Variants in ABHD12B observed in about 807,000 individuals in gnomAD.
ABHD12B encodes protein ABHD12B.
A neutral mutation model predicts 50.4 loss-of-function variants in ABHD12B; 42 were observed. The ratio of observed to expected loss-of-function variants is 0.83; its 90% CI spans 0.65 to 1.08. The LOEUF (loss-of-function observed/expected upper bound fraction) is 1.08. Among genes scored for constraint, ABHD12B ranks in the 50% least tolerant of loss-of-function variants. The pLI is 0.00. For missense variants in ABHD12B, 479 were observed against 447.7 expected (o/e 1.07, Z -0.63); for synonymous variants, 167 against 160.3 (o/e 1.04, Z -0.32).
chr14:50,888,998 C>A, intron 9 of ABHD12B, 95 bp downstream of exon 9: 1 of 984,938 alleles, frequency 1.0e-6, no homozygotes, highest in Non-Finnish European at 1.5e-6. Flanking sequence ...AACAGTCTTC[C>A]TTTTCTTAAG....
intron 9 of ABHD12B, chr14:50,895,614 T>C (rs967596437): frequency 2.0e-5 from 3 of 152,122 alleles, no homozygotes; most frequent in African/African-American, 7.2e-5. Flanking sequence ...GACTGACTCC[T>C]TCCCAGATCT....
At chr14:50,887,465 T>C (rs987210088) in intron 8 of ABHD12B, among the ~76,000 whole-genome samples, 1 of 152,144 alleles carries the variant, frequency 6.6e-6, no homozygotes, top group Non-Finnish European at 1.5e-5. Flanking sequence ...ACTCCTTATA[T>C]AGAGATGCTA....
Position 50,878,115 on chromosome 14 carries a change from T to G in ABHD12B, c.232+36T>G, listed in dbSNP as rs888297253. ...ACCTTCCATAAATTTTCCTATATAA[T>G]TTTTCCCAAATAAAGACCTCAGTAC... is the stretch of plus-strand genomic sequence containing the variant. On this transcript the variant is annotated intron_variant, in intron 2 of 12. Transcript: ENST00000337334. The G allele has an allele frequency of 9.5e-6, 14 of 1,480,786 alleles. No individual in the cohort carries two copies. In the African/African-American group the frequency reaches 2.0e-4, roughly 21 times the overall value. The allele number at this position is 1,480,786 out of a possible 1,614,324, so 91.7% of individuals were successfully genotyped here.
At chr14:50,895,878 C>T (rs879213149) in intron 9 of ABHD12B, among the ~76,000 whole-genome samples, 5 of 152,196 alleles carry the variant, frequency 3.3e-5, no homozygotes, top group Admixed American at 6.5e-5. Context: ...CCAACTTAGA[C>T]AATACTCTTT....
chr14:50,879,795 C>T lies in ABHD12B; in HGVS notation c.336-657C>T, dbSNP rs77925323. On this transcript the variant is annotated intron_variant, in intron 3 of 12. Transcript: ENST00000337334. The stretch of plus-strand genomic sequence containing the variant: ...TCCAGCAGGCAGCAGTGCCTATATT[C>T]GGAGTACAGAGGCCCTGGGGATGAT... Among the ~76,000 whole-genome samples, 235 of 152,328 alleles carry T rather than the reference C, an allele frequency of 1.5e-3. 1 individual carries two copies. Among genetic ancestry groups the T allele is most frequent in the Middle Eastern group, 3.4e-3 (1 of 294 alleles).
intron 9 of ABHD12B, among the ~76,000 whole-genome samples, chr14:50,900,437 T>C (rs1481612529): frequency 6.6e-6 from 1 of 152,180 alleles, no homozygotes; most frequent in Non-Finnish European, 1.5e-5. Flanking sequence ...ATAAGAAAGT[T>C]GTGGTCCATT....
At chr14:50,899,575 T>C (rs2050238457) in intron 9 of ABHD12B, among the ~76,000 whole-genome samples, 1 of 152,204 alleles carries the variant, frequency 6.6e-6, no homozygotes, top group Non-Finnish European at 1.5e-5. Context: ...TCCCATTTAC[T>C]ACCCCCTCTA....
chr14:50,880,351 A>C (rs986883363), intron 3 of ABHD12B, 101 bp from the exon 4 acceptor site: 1 of 1,225,936 alleles, frequency 8.2e-7, no homozygotes, highest in Non-Finnish European at 1.1e-6. Flanking sequence ...TCGGATAAAA[A>C]ATTAAAATAT....
At chr14:50,883,557 A>G (rs2049989201) in intron 5 of ABHD12B, among the ~76,000 whole-genome samples, 1 of 152,244 alleles carries the variant, frequency 6.6e-6, no homozygotes, top group Non-Finnish European at 1.5e-5. Flanking sequence ...AACGTGGTAA[A>G]GCTAATGTCC....
At chr14:50,883,754 A>G (rs1030458713) in intron 5 of ABHD12B, among the ~76,000 whole-genome samples, 1 of 152,274 alleles carries the variant, frequency 6.6e-6, no homozygotes, top group Non-Finnish European at 1.5e-5. Flanking sequence ...TGCCAGTGCC[A>G]TCATTGCCCA....
At chr14:50,898,277 A>G (rs904247398) in intron 9 of ABHD12B, among the ~76,000 whole-genome samples, 1 of 152,204 alleles carries the variant, frequency 6.6e-6, no homozygotes, top group African/African-American at 2.4e-5. Context: ...CATATCTTAT[A>G]AGAAGAAGAA....
At position 50,904,169 on chromosome 14, in the gene ABHD12B, C is replaced by A. The variant is rs2050300986; in HGVS notation, c.1038C>A (p.Ser346Arg). The change falls in exon 12 of 13, where the codon AGC (serine) becomes AGA (arginine). Residue 346 changes from serine (S) to arginine (R), a missense_variant. Transcript: ENST00000337334. ...TCCAACACAACCTGCTTTGTAAAAGCCCCACACTGTTAATAACCGTGAGGT... is the reference window on the plus strand; with the variant it reads ...TCCAACACAACCTGCTTTGTAAAAGACCCACACTGTTAATAACCGTGAGGT... Reference protein sequence around the residue: ...PGFQHNLLCKSPTLLITVRDF... With the variant: ...PGFQHNLLCKRPTLLITVRDF... 6.2e-7 allele frequency: 1 copy of A among 1,614,122 alleles called. No individual in the cohort carries two copies.
intron 1 of ABHD12B, among the ~76,000 whole-genome samples, chr14:50,875,374 T>C (rs1566482305): frequency 6.6e-6 from 1 of 152,210 alleles, no homozygotes; most frequent in African/African-American, 2.4e-5. Flanking sequence ...TTTGAAATAG[T>C]AAATGTAGTT....
chr14:50,874,165 T>C (rs2049826819), intron 1 of ABHD12B, among the ~76,000 whole-genome samples: 2 of 152,216 alleles, frequency 1.3e-5, no homozygotes, highest in Non-Finnish European at 2.9e-5. Context: ...CATTTCATCA[T>C]ATGATTTTTT....
rs187318340 is a variant in ABHD12B, at chr14:50,890,411, C to G, written c.780+1508C>G. The stretch of plus-strand genomic sequence containing the variant: ...GTATATTACTTCCCAATCCAGTAAG[C>G]CTTATTTTAGATGTAATCCTTAGTC... On this transcript the variant is annotated intron_variant, in intron 9 of 12. Transcript: ENST00000337334. 1.2e-4 allele frequency among the ~76,000 whole-genome samples: 19 copies of G among 152,200 alleles called. No individual in the cohort carries two copies. In the East Asian group the frequency reaches 3.7e-3, roughly 29 times the overall value.
intron 8 of ABHD12B, 69 bp downstream of exon 8, chr14:50,886,753 T>A: frequency 7.0e-7 from 1 of 1,422,074 alleles, no homozygotes; most frequent in Non-Finnish European, 9.8e-7. Context: ...GTCAAGAGAC[T>A]ATTGTGTACA....
intron 4 of ABHD12B, among the ~76,000 whole-genome samples, chr14:50,880,981 C>G (rs1411219689): frequency 6.6e-6 from 1 of 152,172 alleles, no homozygotes; most frequent in African/African-American, 2.4e-5. Flanking sequence ...CTTTATTTAG[C>G]TTTAATGTTA....
At chr14:50,890,364 A>T (rs1197208026) in intron 9 of ABHD12B, among the ~76,000 whole-genome samples, 1 of 152,176 alleles carries the variant, frequency 6.6e-6, no homozygotes, top group Non-Finnish European at 1.5e-5. Flanking sequence ...AATGAGCATC[A>T]CCCACACTCT....
intron 5 of ABHD12B, 96 bp downstream of exon 5, chr14:50,881,722 GGTC>G: frequency 6.9e-7 from 1 of 1,446,896 alleles, no homozygotes; most frequent in Non-Finnish European, 9.7e-7. Context: ...TTTTTTGAGA[GGTC>G]TCCAGGGTAC....
Sources: allele counts gnomAD v4.1 joint callset (sites outside exome capture counted in the v4.1 genomes callset), GRCh38; gene constraint gnomAD v4.1.1; transcripts MANE v1.5; gene names NCBI Gene and HGNC (gene_info 2026-07-23, HGNC 2026-07-21).